NECAB3: variants seen among roughly 807,000 people sequenced by gnomAD.
NECAB3 encodes N-terminal EF-hand calcium-binding protein 3.
Under a neutral mutation model 57.2 loss-of-function variants are expected in NECAB3, and 38 were observed. That is an observed-to-expected ratio of 0.66 (90% CI 0.51 to 0.87). The LOEUF (loss-of-function observed/expected upper bound fraction) is 0.87, where lower values mean the gene tolerates loss of function less well. Ranked by LOEUF, NECAB3 falls within the 40% of genes least tolerant of loss-of-function variation. NECAB3 has a pLI of 0.00. For missense variants in NECAB3, 474 were observed against 527.5 expected (o/e 0.90, Z 0.99); for synonymous variants, 223 against 222.6 (o/e 1.00, Z -0.02).
chr20:33,670,940 C>T (rs1397173885), intron 2 of NECAB3, 148 bp from the exon 3 acceptor site: 4 of 615,286 alleles, frequency 6.5e-6, no homozygotes, highest in Non-Finnish European at 1.1e-5. Context: ...AGTGGGGGGC[C>T]TGACTGTTGG....
chr20:33,672,145 T>C (rs1484931056), intron 2 of NECAB3: 2 of 566,654 alleles, frequency 3.5e-6, no homozygotes, highest in African/African-American at 3.8e-5. Context: ...CCCATCACCA[T>C]GCCAGGGTGC....
In NECAB3 at chr20:33,659,406, A is replaced by G. The variant is rs1039850465; in HGVS notation, c.879+91T>C. On this transcript the variant is annotated intron_variant, in intron 8 of 11. Coordinates refer to ENST00000246190, the MANE Select transcript of NECAB3 (RefSeq NM_031232.4). ...GGGGCGGGGCACATGCGCACTGCAG[A>G]GGGTTGGTGGGCAACCGGCCCCATG... 6.2e-5 allele frequency: 73 copies of G among 1,182,538 alleles called. 1 individual carries two copies. The Admixed American group carries it at 2.1e-3, about 34-fold the overall frequency. The allele number at this position is 1,182,538 out of a possible 1,614,324, so 73.3% of individuals were successfully genotyped here.
rs759248853 is a variant in NECAB3, at chr20:33,667,709, C to T, written c.387+1666G>A. ...GCGAACCCTGACCTCTTGCAGCAGG[C>T]CCTGCCCCGCAAGGCCATCACACAT... is the stretch of plus-strand genomic sequence containing the variant. On this transcript the variant is annotated intron_variant, in intron 5 of 11. Transcript: ENST00000246190. The T allele has an allele frequency of 3.7e-6, 6 of 1,611,964 alleles. No homozygotes were observed. Among genetic ancestry groups the T allele is most frequent in the Non-Finnish European group, 4.2e-6 (5 of 1,179,916 alleles).
chr20:33,659,945 G>A lies in NECAB3; in HGVS notation c.583C>T (p.Arg195Cys), dbSNP rs1234521299. Residue 195 changes from arginine (R) to cysteine (C), a missense_variant, in exon 7 of 12, where the codon CGC (arginine) becomes TGC (cysteine). Coordinates refer to ENST00000246190, the MANE Select transcript of NECAB3 (RefSeq NM_031232.4). ...SRLCGSRRAG[R>C]RALRSVSRSS... Reference sequence around the variant, plus strand: ...CGGCTGACACTCCTCAGGGCTCGGCGTCCTGCCCGCCGGCTGCCGCAGAGC... The same window carrying A: ...CGGCTGACACTCCTCAGGGCTCGGCATCCTGCCCGCCGGCTGCCGCAGAGC... 16 of 1,554,844 alleles carry A rather than the reference G, an allele frequency of 1.0e-5. No homozygotes were observed. In the Admixed American group the frequency reaches 1.2e-4, roughly 11 times the overall value.
intron 1 of NECAB3, among the ~76,000 whole-genome samples, chr20:33,673,524 G>A (rs1449389453): frequency 6.6e-6 from 1 of 152,154 alleles, no homozygotes. Flanking sequence ...ACTGACCTGA[G>A]ACATATCCCC....
At position 33,660,040 on chromosome 20, in the gene NECAB3, G is replaced by T; in HGVS notation, c.525-37C>A. The stretch of plus-strand genomic sequence containing the variant: ...GAGGCTCACAGGGCCGAGGACTGGG[G>T]CCCCAGGACGGGATAAGCCTGGGTG... On this transcript the variant is annotated intron_variant, in intron 6 of 11. Coordinates refer to ENST00000246190, the MANE Select transcript of NECAB3 (RefSeq NM_031232.4). This position sits in a 1 kb window ranked among gnomAD's most constrained non-coding sequence, Gnocchi z 4.1. 1 of 1,559,354 alleles carries T rather than the reference G, an allele frequency of 6.4e-7. No individual in the cohort carries two copies.
chr20:33,660,310 C>T lies in NECAB3; in HGVS notation c.473G>A (p.Ser158Asn). ...ETVSQLQALQ[S>N]SLEGASDTLE... ...GGTATCTGACGCCCCCTCCAGCGAGCTCTGAAGGGCTTGCAGCTGGCTCAC... is the reference window on the plus strand; with the variant it reads ...GGTATCTGACGCCCCCTCCAGCGAGTTCTGAAGGGCTTGCAGCTGGCTCAC... The change falls in exon 6 of 12, where the codon AGC (serine) becomes AAC (asparagine). Residue 158 changes from serine (S) to asparagine (N), a missense_variant. Physicochemically the swap from Ser to Asn is conservative, Grantham distance 46 (BLOSUM62 1). Coordinates refer to ENST00000246190, the MANE Select transcript of NECAB3 (RefSeq NM_031232.4). The surrounding 1 kb of genome is among the most constrained non-coding windows in gnomAD (Gnocchi z 4.1). 1 of 1,613,482 alleles carries T rather than the reference C, an allele frequency of 6.2e-7. No individual in the cohort carries two copies. Among genetic ancestry groups the T allele is most frequent in the Non-Finnish European group, 8.5e-7 (1 of 1,180,010 alleles).
At chr20:33,667,572 C>T in intron 5 of NECAB3, 9 of 1,559,444 alleles carry the variant, frequency 5.8e-6, no homozygotes, top group Non-Finnish European at 7.8e-6. Context: ...CGGGCGCGGG[C>T]GTGTGCCACG....
intron 5 of NECAB3, chr20:33,668,011 T>C (rs2122508043): frequency 3.2e-6 from 5 of 1,542,306 alleles, no homozygotes; most frequent in Non-Finnish European, 4.4e-6. Context: ...CTCCACACTG[T>C]TTCCTGGCTT....
chr20:33,669,728 A>G lies in NECAB3; in HGVS notation c.264-16T>C. Reference sequence around the variant, plus strand: ...TTCTAAATTGCTGCAGGGAAAAGAGAAGGCGCCCTTCAGACCTGGGCCTGG... The same window carrying G: ...TTCTAAATTGCTGCAGGGAAAAGAGGAGGCGCCCTTCAGACCTGGGCCTGG... On this transcript the variant is annotated splice_polypyrimidine_tract_variant and intron_variant, in intron 3 of 11. Coordinates refer to ENST00000246190, the MANE Select transcript of NECAB3 (RefSeq NM_031232.4). 6.3e-7 allele frequency: 1 copy of G among 1,588,094 alleles called. No homozygotes were observed. The highest frequency in any genetic ancestry group is 8.6e-7 in the Non-Finnish European group (1 of 1,166,950).
chr20:33,671,208 G>A (rs1299787781), intron 2 of NECAB3, among the ~76,000 whole-genome samples: 2 of 152,190 alleles, frequency 1.3e-5, no homozygotes, highest in African/African-American at 2.4e-5. Context: ...CCTTCACAGA[G>A]AAGCCACGGG....
intron 5 of NECAB3, chr20:33,664,232 G>A (rs142379445): frequency 3.8e-4 from 91 of 238,850 alleles, no homozygotes; most frequent in African/African-American, 2.0e-3. Flanking sequence ...ACCTGCTTCC[G>A]GTAAAGCCTG....
rs921101520 is a variant in NECAB3 at position 33,670,292 on chromosome 20, G to C, written c.263+392C>G. 4 of 191,576 alleles carry C rather than the reference G, an allele frequency of 2.1e-5. No homozygotes were observed. The Admixed American group carries it at 2.2e-4, about 11-fold the overall frequency. 11.9% of individuals were successfully genotyped at this position (191,576 alleles called of 1,614,324 possible). ...GCACCCCTGGGAGCAGGCACGGGAA[G>C]GAGCGTGCACACTCCTGCCAAGACG... is the stretch of plus-strand genomic sequence containing the variant. On this transcript the variant is annotated intron_variant, in intron 3 of 11. Transcript: ENST00000246190.
intron 3 of NECAB3, chr20:33,670,084 T>G: frequency 4.3e-6 from 1 of 232,588 alleles, no homozygotes; most frequent in Non-Finnish European, 8.2e-6. Context: ...TTAGGGAGGG[T>G]TTCCTAGAGG....
intron 5 of NECAB3, 190 bp downstream of exon 5, chr20:33,669,185 T>C: frequency 3.3e-6 from 2 of 597,088 alleles, no homozygotes; most frequent in Non-Finnish European, 3.0e-6. Context: ...GGCAGCTCTA[T>C]TGTTATGATG....
chr20:33,674,510 T>C, upstream of NECAB3: 1 of 669,890 alleles, frequency 1.5e-6, no homozygotes, highest in Non-Finnish European at 1.9e-6. Context: ...TTCCCTCGCC[T>C]CAAGGTCCAA....
At position 33,659,970 on chromosome 20, in the gene NECAB3, C is replaced by T; in HGVS notation, c.558G>A (p.Arg186=). The T allele has an allele frequency of 1.9e-6, 3 of 1,564,584 alleles. No homozygotes were observed. Among genetic ancestry groups the T allele is most frequent in the Non-Finnish European group, 2.6e-6 (3 of 1,157,448 alleles). ...GTCCTGCCCGCCGGCTGCCGCAGAG[C>T]CTGCTCTGCGCCTCCACGCTCTCTG... The part of the protein sequence containing the change: ...SDAESVEAQS[R]LCGSRRAGRR... The change falls in exon 7 of 12, where the codon AGG becomes AGA. Residue 186 remains arginine (R), a synonymous_variant. Coordinates refer to ENST00000246190, the MANE Select transcript of NECAB3 (RefSeq NM_031232.4).
At position 33,660,218 on chromosome 20, in the gene NECAB3, C is replaced by T. The variant is rs766164380; in HGVS notation, c.524+41G>A. On this transcript the variant is annotated intron_variant, in intron 6 of 11. Coordinates refer to ENST00000246190, the MANE Select transcript of NECAB3 (RefSeq NM_031232.4). This position sits in a 1 kb window ranked among gnomAD's most constrained non-coding sequence, Gnocchi z 4.1. ...ATTTGGAATGGGGGTACAATGGGCGCTTGTGCACTAGCCCCACAGGTTGAC... is the reference window on the plus strand; with the variant it reads ...ATTTGGAATGGGGGTACAATGGGCGTTTGTGCACTAGCCCCACAGGTTGAC... The T allele has an allele frequency of 1.9e-6, 3 of 1,601,636 alleles. No homozygotes were observed. The highest frequency in any genetic ancestry group is 2.2e-5 in the South Asian group (2 of 90,704).
rs2017320566 is a variant in NECAB3 at position 33,657,430 on chromosome 20, TGAG to T, written c.*396_*398del. 1.4e-5 allele frequency: 3 copies of T among 213,482 alleles called. No individual in the cohort carries two copies. Among genetic ancestry groups the T allele is most frequent in the East Asian group, 9.9e-5 (1 of 10,102 alleles). The allele number at this position is 213,482 out of a possible 1,614,324, so 13.2% of individuals were successfully genotyped here. On this transcript the variant is annotated 3_prime_UTR_variant, in exon 12 of 12. Transcript: ENST00000246190. ...CATCAGCCCTGCTTCTGCCGCTGGCTGAGGAGGAGCAGAAGCCTGGTCCCAAGA... is the reference window on the plus strand; with the variant it reads ...CATCAGCCCTGCTTCTGCCGCTGGCTGAGGAGCAGAAGCCTGGTCCCAAGA...
Sources: gnomAD v4.1 joint callset for allele counts (sites outside exome capture counted in the v4.1 genomes callset) on GRCh38, gnomAD v4.1.1 for gene constraint, Gnocchi (gnomAD v3.1) non-coding constraint, MANE v1.5 for transcripts, NCBI Gene and HGNC (gene_info 2026-07-23, HGNC 2026-07-21) for gene names.